The following CSMD2 variants were observed in gnomAD, a reference collection of about 807,000 sequenced individuals.
CSMD2 encodes CUB and Sushi multiple domains 2.
A neutral mutation model predicts 398.5 loss-of-function variants in CSMD2; 130 were observed. The observed-to-expected ratio is 0.33, with a 90% confidence interval of 0.28 to 0.38. CSMD2 has a LOEUF of 0.38. Ranked by LOEUF, CSMD2 falls within the 10% of genes least tolerant of loss-of-function variation. CSMD2 has a pLI of 1.00. For missense variants in CSMD2, 3,829 were observed against 4,764.9 expected (o/e 0.80, Z 5.78); for synonymous variants, 1,828 against 1,908.5 (o/e 0.96, Z 1.10).
chr1:33,783,509 A>C (rs1268269834), intron 12 of CSMD2, among the ~76,000 whole-genome samples: 1 of 149,286 alleles, frequency 6.7e-6, no homozygotes, highest in Non-Finnish European at 1.5e-5. Context: ...AGCCCATGCA[A>C]GGCCATGGTG....
At chr1:33,555,504 T>C (rs929034937) in intron 55 of CSMD2, among the ~76,000 whole-genome samples, 1 of 152,248 alleles carries the variant, frequency 6.6e-6, no homozygotes. Context: ...GGCATTATAC[T>C]GTGTAGGTAA....
In CSMD2 at chr1:33,514,536, G is replaced by C. The variant is rs948945144; in HGVS notation, c.*2088C>G. ...GGTGCCCCACCAGCAGGTGCTCCTCGAGCATCTCATGGAACTTTACAAGGA... is the reference window on the plus strand; with the variant it reads ...GGTGCCCCACCAGCAGGTGCTCCTCCAGCATCTCATGGAACTTTACAAGGA... On this transcript the variant is annotated 3_prime_UTR_variant, in exon 71 of 71. Transcript: ENST00000373381. 7.8e-6 allele frequency: 1 copy of C among 128,168 alleles called. No homozygotes were observed. Among genetic ancestry groups the C allele is most frequent in the Non-Finnish European group, 1.6e-5 (1 of 62,936 alleles). 7.9% of individuals were successfully genotyped at this position (128,168 alleles called of 1,614,324 possible). A position where few individuals can be genotyped will look rare whatever the true frequency, so the allele number is the denominator to read the frequency against.
chr1:33,771,320 C>T (rs1448262517), intron 13 of CSMD2, among the ~76,000 whole-genome samples: 1 of 152,200 alleles, frequency 6.6e-6, no homozygotes, highest in Non-Finnish European at 1.5e-5. Flanking sequence ...GCTCCCTGCT[C>T]CTCCAGGTCC....
At chr1:33,743,680 G>A in intron 13 of CSMD2, 74 bp from the exon 14 acceptor site, 1 of 1,085,848 alleles carries the variant, frequency 9.2e-7, no homozygotes, top group Non-Finnish European at 1.3e-6. Flanking sequence ...CTGGCAGGGG[G>A]AACATCTTCT....
chr1:33,903,837 T>C (rs937289765), intron 5 of CSMD2, among the ~76,000 whole-genome samples: 4 of 152,252 alleles, frequency 2.6e-5, no homozygotes, highest in African/African-American at 9.6e-5. Context: ...ATAGGAAATT[T>C]ACATTGAACT....
intron 13 of CSMD2, among the ~76,000 whole-genome samples, chr1:33,759,197 T>C (rs1649452309): frequency 6.6e-6 from 1 of 152,014 alleles, no homozygotes; most frequent in African/African-American, 2.4e-5. Flanking sequence ...CACTCCAACA[T>C]GGTGAACTGT....
At chr1:33,836,027 A>G (rs2125051349) in intron 6 of CSMD2, among the ~76,000 whole-genome samples, 1 of 152,278 alleles carries the variant, frequency 6.6e-6, no homozygotes, top group Non-Finnish European at 1.5e-5. Context: ...ATGGTGACAT[A>G]CAGATGGGGT....
intron 3 of CSMD2, among the ~76,000 whole-genome samples, chr1:33,996,363 G>T (rs762520865): frequency 1.3e-4 from 20 of 152,200 alleles, no homozygotes; most frequent in Non-Finnish European, 2.2e-4. Context: ...CTCCGCCCTG[G>T]CTTTTCCACG....
chr1:33,732,023 T>C (rs1240199999), intron 15 of CSMD2, among the ~76,000 whole-genome samples: 1 of 152,172 alleles, frequency 6.6e-6, no homozygotes, highest in Non-Finnish European at 1.5e-5. Flanking sequence ...TGTGGGTTCA[T>C]TATACTATTC....
chr1:33,694,225 C>T (rs1471837607), intron 24 of CSMD2, among the ~76,000 whole-genome samples: 3 of 152,210 alleles, frequency 2.0e-5, no homozygotes, highest in East Asian at 3.9e-4. Flanking sequence ...ACAGAAGGTA[C>T]GTTAGTGGTT....
chr1:33,590,583 C>T (rs1639366290), intron 44 of CSMD2, among the ~76,000 whole-genome samples: 1 of 140,270 alleles, frequency 7.1e-6, no homozygotes, highest in Non-Finnish European at 1.5e-5. Context: ...GACACGCCCT[C>T]CCTATTTCCC....
intron 13 of CSMD2, among the ~76,000 whole-genome samples, chr1:33,768,132 C>G (rs1024780794): frequency 6.6e-6 from 1 of 152,194 alleles, no homozygotes; most frequent in Non-Finnish European, 1.5e-5. Flanking sequence ...TGGCATTCTC[C>G]TCTAACCCAT....
At chr1:34,029,272 CCT>C (rs889721018) in intron 3 of CSMD2, among the ~76,000 whole-genome samples, 1 of 152,136 alleles carries the variant, frequency 6.6e-6, no homozygotes, top group Non-Finnish European at 1.5e-5. Context: ...GAGCTCCTTC[CCT>C]GAGAGCCAAA....
At position 33,581,769 on chromosome 1, in the gene CSMD2, C is replaced by T. The variant is rs374074610; in HGVS notation, c.7241-870G>A. 5.9e-4 allele frequency among the ~76,000 whole-genome samples: 90 copies of T among 151,796 alleles called. 1 individual carries two copies. Among genetic ancestry groups the T allele is most frequent in the African/African-American group, 2.0e-3 (83 of 41,342 alleles). ...ATCCCGAGGGGGCTGGTTGAAGGGG[C>T]GCAGAATATAAAGCTGGATAACCCA... On this transcript the variant is annotated intron_variant, in intron 47 of 70. Transcript: ENST00000373381.
At chr1:34,054,487 C>T (rs927952811) in intron 2 of CSMD2, among the ~76,000 whole-genome samples, 9 of 151,964 alleles carry the variant, frequency 5.9e-5, no homozygotes, top group African/African-American at 1.9e-4. Flanking sequence ...TTTGGGAGGC[C>T]GAGGTGGGCA....
intron 13 of CSMD2, among the ~76,000 whole-genome samples, chr1:33,754,159 C>T (rs991865592): frequency 1.3e-5 from 2 of 152,088 alleles, no homozygotes; most frequent in Admixed American, 6.5e-5. Context: ...TTGTCTCCTC[C>T]GAATAGCACA....
At position 33,745,726 on chromosome 1, in the gene CSMD2, T is replaced by C. The variant is rs368729780; in HGVS notation, c.1847-2120A>G. ...CATTCAGTCTCATCCCTGTAATCCA[T>C]GTATATTTTAAGTATAGAAAGAATT... On this transcript the variant is annotated intron_variant, in intron 13 of 70. Transcript: ENST00000373381. Among the ~76,000 whole-genome samples the C allele has an allele frequency of 7.9e-5, 12 of 152,246 alleles. No homozygotes were observed. The East Asian group carries it at 1.2e-3, about 15-fold the overall frequency.
intron 48 of CSMD2, among the ~76,000 whole-genome samples, chr1:33,579,879 A>C (rs1426385653): frequency 1.3e-5 from 2 of 152,040 alleles, no homozygotes; most frequent in Non-Finnish European, 2.9e-5. Flanking sequence ...GGGTTTCACT[A>C]TGTTGGTCAG....
chr1:33,727,271 A>G (rs1021513745), intron 15 of CSMD2, among the ~76,000 whole-genome samples: 3 of 152,158 alleles, frequency 2.0e-5, no homozygotes, highest in Non-Finnish European at 4.4e-5. Context: ...ATGAATGAAT[A>G]CAGTCCAAGG....
Sources: gnomAD v4.1 joint callset for allele counts (sites outside exome capture counted in the v4.1 genomes callset) on GRCh38, gnomAD v4.1.1 for gene constraint, MANE v1.5 for transcripts, NCBI Gene and HGNC (gene_info 2026-07-23, HGNC 2026-07-21) for gene names.